GRIA4: variants seen among roughly 807,000 people sequenced by gnomAD.
GRIA4 encodes the protein glutamate receptor 4.
A neutral mutation model predicts 104.0 loss-of-function variants in GRIA4; 34 were observed. The ratio of observed to expected loss-of-function variants is 0.33; its 90% CI spans 0.25 to 0.44. The LOEUF is 0.44. GRIA4 is among the 20% of genes least tolerant of loss of function. GRIA4 has a pLI of 1.00. For missense variants in GRIA4, 750 were observed against 1,096.5 expected, an observed-to-expected ratio of 0.68 and a Z score of 4.46; for synonymous variants, 386 against 381.9, an observed-to-expected ratio of 1.01 and a Z score of -0.13.
chr11:105,964,556 T>TGCCA (rs1253841195), intron 14 of GRIA4, among the ~76,000 whole-genome samples: 65 of 152,332 alleles, frequency 4.3e-4, no homozygotes, highest in African/African-American at 1.5e-3. Context: ...TTGCTTTATT[T>TGCCA]TACCTATAAT....
At chr11:105,646,839 C>T (rs1318036017) in intron 3 of GRIA4, among the ~76,000 whole-genome samples, 2 of 152,088 alleles carry the variant, frequency 1.3e-5, no homozygotes, top group Admixed American at 1.3e-4. Flanking sequence ...TATAAAAACC[C>T]TGGAAGACAA....
chr11:105,610,959 A>G lies in GRIA4; in HGVS notation c.-39A>G. 1 of 1,319,250 alleles carries G rather than the reference A, an allele frequency of 7.6e-7. No homozygotes were observed. The highest frequency in any genetic ancestry group is 1.1e-6 in the Non-Finnish European group (1 of 916,278). 81.7% of individuals were successfully genotyped at this position (1,319,250 alleles called of 1,614,324 possible). A position where few individuals can be genotyped will look rare whatever the true frequency, so the allele number is the denominator to read the frequency against. On this transcript the variant is annotated 5_prime_UTR_variant, in exon 2 of 17. Coordinates refer to ENST00000282499, the MANE Select transcript of GRIA4 (RefSeq NM_000829.4). ...ACAGCCTTTAGGAAGAGTGCGAGAG[A>G]AAGAGAGAGAGCGCGCGCCAGGGAG... is the stretch of plus-strand genomic sequence containing the variant.
intron 3 of GRIA4, among the ~76,000 whole-genome samples, chr11:105,731,075 T>A (rs954447786): frequency 1.3e-5 from 2 of 152,000 alleles, no homozygotes; most frequent in African/African-American, 4.8e-5. Context: ...GAAACTATCA[T>A]CAGAGTAAAC....
chr11:105,691,380 A>G (rs1485099312), intron 3 of GRIA4, among the ~76,000 whole-genome samples: 1 of 152,220 alleles, frequency 6.6e-6, no homozygotes, highest in African/African-American at 2.4e-5. Context: ...AAAGTTTCTT[A>G]GAAGACAATG....
At chr11:105,775,631 A>C (rs1461647022) in intron 4 of GRIA4, among the ~76,000 whole-genome samples, 1 of 152,144 alleles carries the variant, frequency 6.6e-6, no homozygotes, top group Non-Finnish European at 1.5e-5. Context: ...CAACATGAAA[A>C]AATAAACCAA....
At chr11:105,922,085 T>C (rs1308297266) in intron 11 of GRIA4, among the ~76,000 whole-genome samples, 1 of 152,032 alleles carries the variant, frequency 6.6e-6, no homozygotes, top group Non-Finnish European at 1.5e-5. Context: ...GCAACATATA[T>C]GGGAAATAAA....
chr11:105,718,646 T>C (rs1954184150), intron 3 of GRIA4, among the ~76,000 whole-genome samples: 1 of 152,128 alleles, frequency 6.6e-6, no homozygotes, highest in South Asian at 2.1e-4. Flanking sequence ...ACCTAACACA[T>C]GCATTGGGTT....
At position 105,830,991 on chromosome 11, in the gene GRIA4, T is replaced by G. The variant is rs184927736; in HGVS notation, c.488-31033T>G. Among the ~76,000 whole-genome samples, 273 of 151,478 alleles carry G rather than the reference T, an allele frequency of 1.8e-3. 1 individual carries two copies. Among genetic ancestry groups the G allele is most frequent in the South Asian group, 5.0e-3 (24 of 4,806 alleles). ...ACACGCACACACACACACACACACATTTTTTATTTATCTATCAACCATGCC... is the reference window on the plus strand; with the variant it reads ...ACACGCACACACACACACACACACAGTTTTTATTTATCTATCAACCATGCC... On this transcript the variant is annotated intron_variant, in intron 4 of 16. Transcript: ENST00000282499.
intron 3 of GRIA4, among the ~76,000 whole-genome samples, chr11:105,627,249 A>T (rs1035247010): frequency 1.3e-5 from 2 of 152,048 alleles, no homozygotes; most frequent in Non-Finnish European, 2.9e-5. Context: ...TATGGATGAC[A>T]TTGGAGAACG....
intron 9 of GRIA4, 61 bp downstream of exon 9, chr11:105,905,362 T>C (rs1947007849): frequency 1.1e-6 from 1 of 920,732 alleles, no homozygotes; most frequent in African/African-American, 1.6e-5. Context: ...TGTAACATTT[T>C]AAAGGTGTAC....
At chr11:105,748,507 C>T (rs1241710985) in intron 3 of GRIA4, among the ~76,000 whole-genome samples, 1 of 152,044 alleles carries the variant, frequency 6.6e-6, no homozygotes, top group African/African-American at 2.4e-5. Flanking sequence ...CTCAGCCTCC[C>T]GAGTAGCTGG....
intron 3 of GRIA4, among the ~76,000 whole-genome samples, chr11:105,630,929 G>T (rs1951020413): frequency 6.6e-6 from 1 of 152,160 alleles, no homozygotes; most frequent in Non-Finnish European, 1.5e-5. Context: ...TATGTCTCAT[G>T]TGGATAATTT....
chr11:105,965,718 A>G lies in GRIA4; in HGVS notation c.2295-6196A>G, dbSNP rs551404388. On this transcript the variant is annotated intron_variant, in intron 14 of 16. Coordinates refer to ENST00000282499, the MANE Select transcript of GRIA4 (RefSeq NM_000829.4). The stretch of plus-strand genomic sequence containing the variant: ...AATTGATGATGAGATCAGTTATTTG[A>G]CAATAAACGAACTGTGAAAGTGAAC... 3.3e-5 allele frequency among the ~76,000 whole-genome samples: 5 copies of G among 152,290 alleles called. No individual in the cohort carries two copies. In the East Asian group the frequency reaches 9.6e-4, roughly 29 times the overall value.
At chr11:105,898,523 A>G (rs1946742649) in intron 7 of GRIA4, 96 bp downstream of exon 7, 3 of 737,890 alleles carry the variant, frequency 4.1e-6, no homozygotes, top group South Asian at 3.4e-5. Flanking sequence ...TTTGCCAAAC[A>G]TAGTATGGCA....
In GRIA4 at chr11:105,933,745, A is replaced by G; in HGVS notation, c.2070A>G (p.Glu690=). The G allele has an allele frequency of 6.2e-7, 1 of 1,601,714 alleles. No individual in the cohort carries two copies. Among genetic ancestry groups the G allele is most frequent in the Non-Finnish European group, 8.5e-7 (1 of 1,171,978 alleles). Residue 690 remains glutamate, a synonymous_variant, in exon 14 of 17, where the codon GAA becomes GAG. Coordinates refer to ENST00000282499, the MANE Select transcript of GRIA4 (RefSeq NM_000829.4). The stretch of plus-strand genomic sequence containing the variant: ...AGAGATCAAAAATAGCAGTGTATGA[A>G]AAGATGTGGACCTACATGCGATCAG... ...FFRRSKIAVY[E]KMWTYMRSAE...
chr11:105,723,968 T>C (rs1419841063), intron 3 of GRIA4, among the ~76,000 whole-genome samples: 1 of 152,130 alleles, frequency 6.6e-6, no homozygotes, highest in East Asian at 1.9e-4. Flanking sequence ...TGAAATATCA[T>C]CTGACACCAG....
At chr11:105,830,428 G>C (rs1055195656) in intron 4 of GRIA4, among the ~76,000 whole-genome samples, 1 of 151,960 alleles carries the variant, frequency 6.6e-6, no homozygotes, top group Non-Finnish European at 1.5e-5. Context: ...TTGTCTCTAG[G>C]CTATTTATGT....
chr11:105,633,263 G>A (rs1951085061), intron 3 of GRIA4, among the ~76,000 whole-genome samples: 1 of 152,170 alleles, frequency 6.6e-6, no homozygotes, highest in Non-Finnish European at 1.5e-5. Flanking sequence ...GTGTTTCACA[G>A]CTGACAATGT....
intron 5 of GRIA4, among the ~76,000 whole-genome samples, chr11:105,886,870 A>G (rs1946283157): frequency 6.6e-6 from 1 of 151,872 alleles, no homozygotes; most frequent in African/African-American, 2.4e-5. Context: ...AAGATGTTTG[A>G]GTTTCTAATT....
Sources: gnomAD v4.1 joint callset for allele counts (sites outside exome capture counted in the v4.1 genomes callset) on GRCh38, gnomAD v4.1.1 for gene constraint, MANE v1.5 for transcripts, NCBI Gene and HGNC (gene_info 2026-07-23, HGNC 2026-07-21) for gene names.